The following CALHM6 variants were observed in gnomAD, a reference collection of about 807,000 sequenced individuals.
CALHM6 encodes the protein calcium homeostasis modulator family member 6.
Under a neutral mutation model 12.7 loss-of-function variants are expected in CALHM6, and 15 were observed. The observed-to-expected ratio is 1.18, with a 90% CI of 0.79 to 1.82. The LOEUF is 1.82. Among genes scored for constraint, CALHM6 ranks in the 40% most tolerant of loss-of-function variants. The pLI is 0.00. For synonymous variants in CALHM6, 212 were observed against 193.7 expected (o/e 1.09, Z -0.78); for missense variants, 434 against 421.0 (o/e 1.03, Z -0.27).
chr6:116,462,059 A>G lies in CALHM6; in HGVS notation c.130A>G (p.Ser44Gly). ...CGCCGTGGCATTCCAGTGCCCGTGC[A>G]GCGCCGCCTGGAACCTGCCCTACGG... ...FSAVAFQCPC[S>G]AAWNLPYGLV... Residue 44 changes from serine to glycine, a missense_variant, in exon 2 of 3, where the codon AGC (serine) becomes GGC (glycine). Transcript: ENST00000368605. 1 of 1,548,242 alleles carries G rather than the reference A, an allele frequency of 6.5e-7. No individual in the cohort carries two copies. The highest frequency in any genetic ancestry group is 2.4e-5 in the East Asian group (1 of 40,852).
Position 116,461,436 on chromosome 6 carries a change from A to C in CALHM6, c.-59+7A>C. Reference sequence around the variant, plus strand: ...TCCTTGAATAATGTTTCCCGTAAGTAATCAGTTTTTTGATAATTATTTGGT... The same window carrying C: ...TCCTTGAATAATGTTTCCCGTAAGTCATCAGTTTTTTGATAATTATTTGGT... On this transcript the variant is annotated splice_region_variant and intron_variant, in intron 1 of 2. Transcript: ENST00000368605. The C allele has an allele frequency of 6.5e-7, 1 of 1,550,260 alleles. No individual in the cohort carries two copies. Among genetic ancestry groups the C allele is most frequent in the Non-Finnish European group, 8.7e-7 (1 of 1,146,668 alleles).
At chr6:116,462,574 T>A (rs1784803544) in intron 2 of CALHM6, 120 bp downstream of exon 2, 1 of 591,170 alleles carries the variant, frequency 1.7e-6, no homozygotes, top group African/African-American at 2.0e-5. Context: ...TAAGAAAATC[T>A]AGAATGGCTC....
At chr6:116,461,829 G>A (rs1784775222) in intron 1 of CALHM6, 43 bp from the exon 2 acceptor site, 4 of 1,250,824 alleles carry the variant, frequency 3.2e-6, no homozygotes, top group Non-Finnish European at 1.0e-6. Flanking sequence ...TCGCAGAGTG[G>A]AAAGCCCCGG....
In CALHM6 at chr6:116,463,561, G is replaced by A. The variant is rs377095737; in HGVS notation, c.804G>A (p.Pro268=). The change falls in exon 3 of 3, where the codon CCG becomes CCA. Residue 268 remains proline, a synonymous_variant. Coordinates refer to ENST00000368605, the MANE Select transcript of CALHM6 (RefSeq NM_001010919.3). ...QQISSLYTFN[P]KGQYYSMLHK... ...TTTCATCACTGTATACTTTCAATCC[G>A]AAGGGCCAGTACTACAGCATGTTGC... The A allele has an allele frequency of 1.1e-5, 17 of 1,613,990 alleles. No individual in the cohort carries two copies. The highest frequency in any genetic ancestry group is 2.2e-5 in the South Asian group (2 of 91,088).
At position 116,463,415 on chromosome 6, in the gene CALHM6, A is replaced by C; in HGVS notation, c.658A>C (p.Ile220Leu). 5 of 1,614,180 alleles carry C rather than the reference A, an allele frequency of 3.1e-6. No homozygotes were observed. Among genetic ancestry groups the C allele is most frequent in the Non-Finnish European group, 4.2e-6 (5 of 1,180,034 alleles). ...AATCTATTTGGAACAGGAGCAGCAG[A>C]TCCTTAAAAGTAAAGCCACAGAGCA... is the stretch of plus-strand genomic sequence containing the variant. ...WKIYLEQEQQ[I>L]LKSKATEHAT... Residue 220 changes from isoleucine to leucine, a missense_variant, in exon 3 of 3, where the codon ATC becomes CTC. Transcript: ENST00000368605.
Position 116,463,433 on chromosome 6 carries a change from A to G in CALHM6, c.676A>G (p.Thr226Ala). ...QEQQILKSKA[T>A]EHATELAKEN... ...GCAGCAGATCCTTAAAAGTAAAGCC[A>G]CAGAGCATGCAACTGAATTGGCAAA... The change falls in exon 3 of 3, where the codon ACA becomes GCA. Residue 226 changes from threonine to alanine, a missense_variant. Physicochemically the swap from Thr to Ala is moderately conservative, Grantham distance 58 (BLOSUM62 0). Coordinates refer to ENST00000368605, the MANE Select transcript of CALHM6 (RefSeq NM_001010919.3). 1 of 1,614,174 alleles carries G rather than the reference A, an allele frequency of 6.2e-7. No homozygotes were observed. Among genetic ancestry groups the G allele is most frequent in the Non-Finnish European group, 8.5e-7 (1 of 1,180,016 alleles).
rs1422614565 is a variant in CALHM6, at chr6:116,463,616, C to G, written c.859C>G (p.His287Asp). The G allele has an allele frequency of 1.2e-6, 2 of 1,613,940 alleles. No homozygotes were observed. The highest frequency in any genetic ancestry group is 1.7e-6 in the Non-Finnish European group (2 of 1,179,970). ...ATATGTCAACAGAAAAGAGAAGACT[C>G]ACAGTATCAGGTCTACTGAAGGAGA... ...HKYVNRKEKT[H>D]SIRSTEGDTV... Residue 287 changes from histidine (H) to aspartate (D), a missense_variant, in exon 3 of 3, where the codon CAC becomes GAC. Transcript: ENST00000368605.
rs746434125 is a variant in CALHM6, at chr6:116,462,458, T to C, written c.525+4T>C. On this transcript the variant is annotated splice_donor_region_variant and intron_variant, in intron 2 of 2. Transcript: ENST00000368605. The stretch of plus-strand genomic sequence containing the variant: ...GGATCTGAAGGCTCAGTCGCAGGTC[T>C]GCCGCTGGCGCTGGGGGCGTTTGGG... The C allele has an allele frequency of 1.3e-6, 2 of 1,491,154 alleles. No homozygotes were observed. The highest frequency in any genetic ancestry group is 1.3e-5 in the South Asian group (1 of 79,044). The allele number at this position is 1,491,154 out of a possible 1,614,324, so 92.4% of individuals were successfully genotyped here.
chr6:116,463,671 A>G lies in CALHM6; in HGVS notation c.914A>G (p.Asp305Gly), dbSNP rs751544292. 6.2e-7 allele frequency: 1 copy of G among 1,612,596 alleles called. No homozygotes were observed. Among genetic ancestry groups the G allele is most frequent in the Non-Finnish European group, 8.5e-7 (1 of 1,179,404 alleles). Residue 305 changes from aspartate to glycine, a missense_variant, in exon 3 of 3, where the codon GAT becomes GGT. Coordinates refer to ENST00000368605, the MANE Select transcript of CALHM6 (RefSeq NM_001010919.3). ...GTGATTCCTGTTCTTGGCTTTGTAG[A>G]TTCATCTGGTATAAACAGCACTCCT... Reference protein sequence around the residue: ...DTVIPVLGFVDSSGINSTPEL With the variant: ...DTVIPVLGFVGSSGINSTPEL
chr6:116,462,403 C>A lies in CALHM6; in HGVS notation c.474C>A (p.Ala158=). The part of the protein sequence containing the change: ...AELPLVPCNQ[A]KASDVQDLLK... ...TGCCGCTGGTGCCGTGCAACCAGGC[C>A]AAGGCGTCGGACGTGCAGGACCTCC... The change falls in exon 2 of 3, where the codon GCC becomes GCA. Residue 158 remains alanine, a synonymous_variant. Coordinates refer to ENST00000368605, the MANE Select transcript of CALHM6 (RefSeq NM_001010919.3). 6.7e-7 allele frequency: 1 copy of A among 1,490,620 alleles called. No individual in the cohort carries two copies. The highest frequency in any genetic ancestry group is 2.3e-5 in the Admixed American group (1 of 43,174). 92.3% of individuals were successfully genotyped at this position (1,490,620 alleles called of 1,614,324 possible). A position where few individuals can be genotyped will look rare whatever the true frequency, so the allele number is the denominator to read the frequency against.
rs1784777007 is a variant in CALHM6, at chr6:116,461,915, C to T, written c.-15C>T. The stretch of plus-strand genomic sequence containing the variant: ...GGATCTGGGCCTGTGCGCGACGCCC[C>T]GGGGGACGAGGCTCATGGAGAAGTT... On this transcript the variant is annotated 5_prime_UTR_variant, in exon 2 of 3. Coordinates refer to ENST00000368605, the MANE Select transcript of CALHM6 (RefSeq NM_001010919.3). The T allele has an allele frequency of 1.3e-6, 2 of 1,486,182 alleles. No homozygotes were observed. Among genetic ancestry groups the T allele is most frequent in the East Asian group, 2.6e-5 (1 of 38,524 alleles). 92.1% of individuals were successfully genotyped at this position (1,486,182 alleles called of 1,614,324 possible). A position where few individuals can be genotyped will look rare whatever the true frequency, so the allele number is the denominator to read the frequency against.
Position 116,463,620 on chromosome 6 carries a change from G to A in CALHM6, c.863G>A (p.Ser288Asn), listed in dbSNP as rs1318287035. ...GTCAACAGAAAAGAGAAGACTCACA[G>A]TATCAGGTCTACTGAAGGAGATACG... ...KYVNRKEKTH[S>N]IRSTEGDTVI... is the part of the protein sequence containing the mutation. The change falls in exon 3 of 3, where the codon AGT becomes AAT. Residue 288 changes from serine (S) to asparagine (N), a missense_variant. Transcript: ENST00000368605. The A allele has an allele frequency of 2.5e-6, 4 of 1,613,968 alleles. No individual in the cohort carries two copies. In the African/African-American group the frequency reaches 4.0e-5, roughly 16 times the overall value.
In CALHM6 at chr6:116,462,097, G is replaced by T; in HGVS notation, c.168G>T (p.Leu56Phe). 6.5e-7 allele frequency: 1 copy of T among 1,544,048 alleles called. No homozygotes were observed. The change falls in exon 2 of 3, where the codon TTG (leucine) becomes TTT (phenylalanine). Residue 56 changes from leucine (L) to phenylalanine (F), a missense_variant. Transcript: ENST00000368605. ...AWNLPYGLVF[L>F]LVPALALFLL... is the part of the protein sequence containing the mutation. ...ACCTGCCCTACGGCCTGGTCTTCTT[G>T]CTGGTGCCGGCGCTCGCGCTCTTCC...
At chr6:116,462,756 T>G (rs191233420) in intron 2 of CALHM6, among the ~76,000 whole-genome samples, 4 of 152,268 alleles carry the variant, frequency 2.6e-5, no homozygotes, top group Admixed American at 2.6e-4. Flanking sequence ...CTGCATTATT[T>G]TTACGTCTCA....
At chr6:116,461,643 T>C (rs1027978218) in intron 1 of CALHM6, among the ~76,000 whole-genome samples, 3 of 151,732 alleles carry the variant, frequency 2.0e-5, no homozygotes, top group African/African-American at 7.3e-5. Flanking sequence ...GGGAGGAAGA[T>C]AACTGGTGCC....
In CALHM6 at chr6:116,463,449, A is replaced by G; in HGVS notation, c.692A>G (p.Glu231Gly). 1 of 1,614,178 alleles carries G rather than the reference A, an allele frequency of 6.2e-7. No homozygotes were observed. The highest frequency in any genetic ancestry group is 1.1e-5 in the South Asian group (1 of 91,088). The change falls in exon 3 of 3, where the codon GAA becomes GGA. Residue 231 changes from glutamate to glycine, a missense_variant. Physicochemically the swap from Glu to Gly is moderately conservative, Grantham distance 98 (BLOSUM62 -2). Transcript: ENST00000368605. ...AGTAAAGCCACAGAGCATGCAACTGAATTGGCAAAAGAGAATATTAAATGT... is the reference window on the plus strand; with the variant it reads ...AGTAAAGCCACAGAGCATGCAACTGGATTGGCAAAAGAGAATATTAAATGT... ...LKSKATEHAT[E>G]LAKENIKCFF...
Position 116,463,335 on chromosome 6 carries a change from C to T in CALHM6, c.578C>T (p.Thr193Ile), listed in dbSNP as rs745946709. ...AVVIIILLIF[T>I]SVTRCLSPVS... ...GTTATCATCATTCTTCTGATTTTTA[C>T]ATCTGTCACCCGATGCCTATCTCCA... The change falls in exon 3 of 3, where the codon ACA becomes ATA. Residue 193 changes from threonine (T) to isoleucine (I), a missense_variant. Physicochemically the swap from Thr to Ile is moderately conservative, Grantham distance 89 (BLOSUM62 -1). Transcript: ENST00000368605. 11 of 1,613,864 alleles carry T rather than the reference C, an allele frequency of 6.8e-6. No homozygotes were observed. In the Admixed American group the frequency reaches 1.5e-4, roughly 22 times the overall value.
chr6:116,462,098 C>T lies in CALHM6; in HGVS notation c.169C>T (p.Leu57=). The change falls in exon 2 of 3, where the codon CTG becomes TTG. Residue 57 remains leucine, a synonymous_variant. Transcript: ENST00000368605. ...WNLPYGLVFL[L]VPALALFLLG... ...CCTGCCCTACGGCCTGGTCTTCTTG[C>T]TGGTGCCGGCGCTCGCGCTCTTCCT... 1.3e-6 allele frequency: 2 copies of T among 1,544,038 alleles called. No homozygotes were observed. The highest frequency in any genetic ancestry group is 1.7e-6 in the Non-Finnish European group (2 of 1,145,680).
In CALHM6 at chr6:116,463,538, T is replaced by C. The variant is rs1784827676; in HGVS notation, c.781T>C (p.Ser261Pro). 1 of 1,614,164 alleles carries C rather than the reference T, an allele frequency of 6.2e-7. No homozygotes were observed. The highest frequency in any genetic ancestry group is 8.5e-7 in the Non-Finnish European group (1 of 1,180,032). The change falls in exon 3 of 3, where the codon TCA (serine) becomes CCA (proline). Residue 261 changes from serine (S) to proline (P), a missense_variant. By Grantham distance (74) the Ser-to-Pro change is moderately conservative (BLOSUM62 -1). Coordinates refer to ENST00000368605, the MANE Select transcript of CALHM6 (RefSeq NM_001010919.3). ...AAGCATGAAAGAGTGGCAGCAAATT[T>C]CATCACTGTATACTTTCAATCCGAA... Reference protein sequence around the residue: ...TPSMKEWQQISSLYTFNPKGQ... With the variant: ...TPSMKEWQQIPSLYTFNPKGQ...
Sources: gnomAD v4.1 joint callset for allele counts (sites outside exome capture counted in the v4.1 genomes callset) on GRCh38, gnomAD v4.1.1 for gene constraint, MANE v1.5 for transcripts, NCBI Gene and HGNC (gene_info 2026-07-23, HGNC 2026-07-21) for gene names.